LGALS8: variants seen among roughly 807,000 people sequenced by gnomAD.
LGALS8 encodes galectin-8.
A neutral mutation model predicts 35.9 loss-of-function variants in LGALS8; 30 were observed. The observed-to-expected ratio is 0.83, with a 90% CI of 0.62 to 1.13. The LOEUF is 1.13. Ranked by LOEUF, LGALS8 falls within the 50% of genes most tolerant of loss-of-function variation. LGALS8 has a pLI of 0.00. For synonymous variants in LGALS8, 138 were observed against 136.1 expected, an observed-to-expected ratio of 1.01 and a Z score of -0.10; for missense variants, 366 against 388.7, an observed-to-expected ratio of 0.94 and a Z score of 0.49.
Position 236,542,848 on chromosome 1 carries a change from A to G in LGALS8, c.549+61A>G, listed in dbSNP as rs146029560. 5.0e-5 allele frequency: 81 copies of G among 1,614,194 alleles called. No individual in the cohort carries two copies. In the African/African-American group the frequency reaches 9.1e-4, roughly 18 times the overall value. ...ATTTTATAAAGTTGCATAGAAAATG[A>G]ACAGTTTAAACCGTGGAGGGCAGCT... is the stretch of plus-strand genomic sequence containing the variant. On this transcript the variant is annotated intron_variant, in intron 7 of 9. Coordinates refer to ENST00000366584, the MANE Select transcript of LGALS8 (RefSeq NM_201544.4).
Position 236,526,261 on chromosome 1 carries a change from T to C in LGALS8, c.45+146T>C. On this transcript the variant is annotated intron_variant, in intron 2 of 9. Coordinates refer to ENST00000366584, the MANE Select transcript of LGALS8 (RefSeq NM_201544.4). The surrounding 1 kb of genome is among the most constrained non-coding windows in gnomAD (Gnocchi z 4.6). ...ATGTAATAGAGATGGTGGTGGGTGC[T>C]GATTACAAAACAGCTCTTGTCCTCT... The C allele has an allele frequency of 3.6e-6, 2 of 562,726 alleles. No individual in the cohort carries two copies. Among genetic ancestry groups the C allele is most frequent in the East Asian group, 5.7e-5 (2 of 35,210 alleles). 34.9% of individuals were successfully genotyped at this position (562,726 alleles called of 1,614,324 possible). A position where few individuals can be genotyped will look rare whatever the true frequency, so the allele number is the denominator to read the frequency against.
At chr1:236,542,542 A>G in intron 6 of LGALS8, 1 of 594,652 alleles carries the variant, frequency 1.7e-6, no homozygotes, top group South Asian at 2.1e-5. Context: ...TAAAGGACTC[A>G]GATGAACAGG....
At chr1:236,531,751 T>G (rs987355371) in intron 2 of LGALS8, among the ~76,000 whole-genome samples, 3 of 152,224 alleles carry the variant, frequency 2.0e-5, no homozygotes, top group Non-Finnish European at 4.4e-5. Context: ...CTGGCCTGAC[T>G]GATTCTTCTC....
At chr1:236,523,402 C>CA (rs774893336), upstream of LGALS8, 32 of 154,826 alleles carry the variant, frequency 2.1e-4, no homozygotes, top group Non-Finnish European at 3.3e-4. Flanking sequence ...TGTGTACTGT[C>CA]AAAAAGCAGC....
chr1:236,522,426 G>T (rs1276287012), upstream of LGALS8, among the ~76,000 whole-genome samples: 1 of 151,998 alleles, frequency 6.6e-6, no homozygotes, highest in Non-Finnish European at 1.5e-5. Flanking sequence ...CAACACAGTG[G>T]ACCCTGTCTC....
chr1:236,540,762 C>G (rs1661941148), intron 5 of LGALS8, 79 bp downstream of exon 5: 6 of 1,372,416 alleles, frequency 4.4e-6, no homozygotes, highest in African/African-American at 1.5e-5. Flanking sequence ...TCAAATAACA[C>G]TTCTATTGAC....
intron 4 of LGALS8, among the ~76,000 whole-genome samples, chr1:236,539,660 C>T (rs1661829970): frequency 6.6e-6 from 1 of 152,146 alleles, no homozygotes; most frequent in Non-Finnish European, 1.5e-5. Flanking sequence ...TGGAGCTTGC[C>T]CACAGTAGAG....
intron 9 of LGALS8, among the ~76,000 whole-genome samples, chr1:236,547,194 C>CA (rs1662418621): frequency 6.6e-6 from 1 of 152,214 alleles, no homozygotes; most frequent in Non-Finnish European, 1.5e-5. Flanking sequence ...GTGGCCTTCT[C>CA]AGAGTGGGTG....
chr1:236,537,056 G>A (rs1393123900), intron 2 of LGALS8, among the ~76,000 whole-genome samples: 2 of 135,714 alleles, frequency 1.5e-5, no homozygotes, highest in East Asian at 4.3e-4. Context: ...TTGCTCTGTC[G>A]CCCAGGCTGG....
At position 236,550,027 on chromosome 1, in the gene LGALS8, T is replaced by G. The variant is rs1662648425; in HGVS notation, c.*1866T>G. Reference sequence around the variant, plus strand: ...TCTACGGGATGTTCTTAGATGCCTTTAAAAAGGGGGCAGATCTAATTTTAT... The same window carrying G: ...TCTACGGGATGTTCTTAGATGCCTTGAAAAAGGGGGCAGATCTAATTTTAT... On this transcript the variant is annotated 3_prime_UTR_variant, in exon 10 of 10. Coordinates refer to ENST00000366584, the MANE Select transcript of LGALS8 (RefSeq NM_201544.4). The G allele has an allele frequency of 6.6e-6, 1 of 152,174 alleles. No homozygotes were observed. Among genetic ancestry groups the G allele is most frequent in the Non-Finnish European group, 1.5e-5 (1 of 68,026 alleles). The allele number at this position is 152,174 out of a possible 1,614,324, so 9.4% of individuals were successfully genotyped here.
At chr1:236,543,196 T>G (rs1158426833) in intron 7 of LGALS8, 6 of 685,558 alleles carry the variant, frequency 8.8e-6, no homozygotes, top group Middle Eastern at 3.6e-4. Context: ...GGCCTGCCTC[T>G]GAGCCATTCC....
At chr1:236,541,061 C>T (rs1170656286) in intron 5 of LGALS8, among the ~76,000 whole-genome samples, 3 of 152,204 alleles carry the variant, frequency 2.0e-5, no homozygotes, top group Non-Finnish European at 4.4e-5. Flanking sequence ...ACCACATATA[C>T]AACCGTGGTC....
intron 2 of LGALS8, among the ~76,000 whole-genome samples, chr1:236,536,882 T>C (rs192001678): frequency 8.4e-4 from 127 of 152,040 alleles, no homozygotes; most frequent in African/African-American, 2.7e-3. Flanking sequence ...AGAATTATCA[T>C]ATTAAGCAGA....
chr1:236,541,672 G>GC lies in LGALS8; in HGVS notation c.485dup (p.Ser163IlefsTer2). On this transcript the variant is annotated frameshift_variant, in exon 6 of 10. Coordinates refer to ENST00000366584, the MANE Select transcript of LGALS8 (RefSeq NM_201544.4). LOFTEE classifies it high-confidence loss of function. ...TTCTCAGGACTTACAAAGTACCCAAGCATCTAGTCTGGAACTGACAGAGAT... is the reference window on the plus strand; with the variant it reads ...TTCTCAGGACTTACAAAGTACCCAAGCCATCTAGTCTGGAACTGACAGAGAT... 6.6e-7 allele frequency: 1 copy of GC among 1,519,716 alleles called. No homozygotes were observed. Among genetic ancestry groups the GC allele is most frequent in the Non-Finnish European group, 9.0e-7 (1 of 1,116,470 alleles). 94.1% of individuals were successfully genotyped at this position (1,519,716 alleles called of 1,614,324 possible).
chr1:236,543,939 C>CA (rs111963707), intron 8 of LGALS8, among the ~76,000 whole-genome samples: 11,504 of 132,846 alleles, frequency 0.087, 792 homozygotes, highest in African/African-American at 0.2. Context: ...TAAGATCAGG[C>CA]AACATCTTTT....
upstream of LGALS8, chr1:236,518,220 C>T (rs1026032080): frequency 5.3e-5 from 8 of 152,066 alleles, no homozygotes; most frequent in African/African-American, 1.7e-4. Flanking sequence ...AACCATAGTT[C>T]TAGAAGCTTG....
At chr1:236,522,924 A>T (rs993589200), upstream of LGALS8, 2 of 152,260 alleles carry the variant, frequency 1.3e-5, no homozygotes, top group African/African-American at 4.8e-5. Flanking sequence ...AAAACAAAAA[A>T]TAATGAAAAC....
At chr1:236,533,340 T>C (rs1571998155) in intron 2 of LGALS8, among the ~76,000 whole-genome samples, 1 of 58,152 alleles carries the variant, frequency 1.7e-5, no homozygotes, top group Admixed American at 2.0e-4. Context: ...TCCCCCACCC[T>C]TTTTTTTTTC....
Position 236,543,089 on chromosome 1 carries a change from A to C in LGALS8, c.549+302A>C, listed in dbSNP as rs547949031. 6 of 1,542,740 alleles carry C rather than the reference A, an allele frequency of 3.9e-6. No individual in the cohort carries two copies. In the East Asian group the frequency reaches 6.7e-5, roughly 17 times the overall value. Reference sequence around the variant, plus strand: ...TAACTCTATATAAAAATTAAGTTGTAATGAGCTGTTACGAGTAACCTGTAT... The same window carrying C: ...TAACTCTATATAAAAATTAAGTTGTCATGAGCTGTTACGAGTAACCTGTAT... On this transcript the variant is annotated intron_variant, in intron 7 of 9. Coordinates refer to ENST00000366584, the MANE Select transcript of LGALS8 (RefSeq NM_201544.4).
Sources: gnomAD v4.1 joint callset for allele counts (sites outside exome capture counted in the v4.1 genomes callset) on GRCh38, gnomAD v4.1.1 for gene constraint, Gnocchi (gnomAD v3.1) non-coding constraint, MANE v1.5 for transcripts, NCBI Gene and HGNC (gene_info 2026-07-23, HGNC 2026-07-21) for gene names.